Variants in TMPRSS11D observed in about 807,000 individuals in gnomAD.
TMPRSS11D encodes transmembrane protease serine 11D.
TMPRSS11D carries 32 observed loss-of-function variants against 44.4 expected under a neutral mutation model. The observed-to-expected ratio is 0.72, with a 90% CI of 0.54 to 0.97. TMPRSS11D has a LOEUF of 0.97. Ranked by LOEUF, TMPRSS11D falls within the 50% of genes least tolerant of loss-of-function variation. TMPRSS11D has a pLI of 0.00. For missense variants in TMPRSS11D, 446 were observed against 502.6 expected (o/e 0.89, Z 1.08); for synonymous variants, 179 against 177.9 (o/e 1.01, Z -0.05).
chr4:67,827,731 A>G (rs958694102), intron 7 of TMPRSS11D, among the ~76,000 whole-genome samples: 1 of 152,140 alleles, frequency 6.6e-6, no homozygotes, highest in Non-Finnish European at 1.5e-5. Context: ...AGAAGATTTT[A>G]GAAAACATAT....
At chr4:67,850,983 C>T (rs995269731) in intron 3 of TMPRSS11D, among the ~76,000 whole-genome samples, 3 of 152,264 alleles carry the variant, frequency 2.0e-5, no homozygotes, top group Non-Finnish European at 2.9e-5. Flanking sequence ...TGTGAGCCTT[C>T]GAGTGACTTG....
chr4:67,839,872 G>T (rs1718188236), intron 4 of TMPRSS11D, among the ~76,000 whole-genome samples: 1 of 150,734 alleles, frequency 6.6e-6, no homozygotes, highest in Admixed American at 6.6e-5. Flanking sequence ...GGGTATATGT[G>T]CACAACGTGC....
intron 1 of TMPRSS11D, among the ~76,000 whole-genome samples, chr4:67,877,894 G>C (rs1239814166): frequency 6.6e-6 from 1 of 152,114 alleles, no homozygotes; most frequent in East Asian, 1.9e-4. Context: ...TTTCTCCACA[G>C]AGATTGTTCT....
chr4:67,822,539 C>T (rs1577799012), intron 9 of TMPRSS11D, 41 bp from the exon 10 acceptor site: 3 of 1,609,734 alleles, frequency 1.9e-6, no homozygotes, highest in Non-Finnish European at 1.7e-6. Flanking sequence ...AGTGCAAAGA[C>T]AAACCCAAAA....
chr4:67,827,533 G>A lies in TMPRSS11D; in HGVS notation c.693-13C>T. The A allele has an allele frequency of 1.3e-6, 2 of 1,574,606 alleles. No individual in the cohort carries two copies. Among genetic ancestry groups the A allele is most frequent in the Non-Finnish European group, 1.7e-6 (2 of 1,160,900 alleles). ...AGGATTAGAGTTGCTAAAACATTAT[G>A]AAAACATGCTATATGAGTAGGGAAT... On this transcript the variant is annotated splice_polypyrimidine_tract_variant and intron_variant, in intron 7 of 9. Coordinates refer to ENST00000283916, the MANE Select transcript of TMPRSS11D (RefSeq NM_004262.3).
At chr4:67,827,852 C>T (rs1356567277) in intron 7 of TMPRSS11D, among the ~76,000 whole-genome samples, 1 of 152,018 alleles carries the variant, frequency 6.6e-6, no homozygotes, top group Non-Finnish European at 1.5e-5. Context: ...ACCTCCCTTC[C>T]CATTTAAGCA....
chr4:67,852,047 C>T (rs901295757), intron 3 of TMPRSS11D, among the ~76,000 whole-genome samples: 1 of 152,194 alleles, frequency 6.6e-6, no homozygotes, highest in Admixed American at 6.5e-5. Context: ...CTGGCTCTGA[C>T]TCCCTTCAGT....
At chr4:67,842,279 A>C (rs1368622064) in intron 4 of TMPRSS11D, among the ~76,000 whole-genome samples, 1 of 152,180 alleles carries the variant, frequency 6.6e-6, no homozygotes, top group Non-Finnish European at 1.5e-5. Context: ...GGAGTTTTAC[A>C]ATAGGATGGC....
chr4:67,864,424 G>A (rs541038492), intron 1 of TMPRSS11D, among the ~76,000 whole-genome samples: 10 of 151,942 alleles, frequency 6.6e-5, no homozygotes, highest in Middle Eastern at 3.4e-3. Flanking sequence ...ATGAAAGATC[G>A]ATACTCACCT....
chr4:67,832,979 G>C (rs1305855817), intron 7 of TMPRSS11D, among the ~76,000 whole-genome samples: 1 of 151,970 alleles, frequency 6.6e-6, no homozygotes, highest in African/African-American at 2.4e-5. Flanking sequence ...ATAAATCTTT[G>C]TTCTTTACTG....
Position 67,854,193 on chromosome 4 carries a change from A to G in TMPRSS11D, c.131-7T>C. 7.3e-7 allele frequency: 1 copy of G among 1,363,282 alleles called. No individual in the cohort carries two copies. The highest frequency in any genetic ancestry group is 1.0e-6 in the Non-Finnish European group (1 of 969,214). The allele number at this position is 1,363,282 out of a possible 1,614,324, so 84.4% of individuals were successfully genotyped here. ...TAAAAGTAAGATTTTTGATCTGAAA[A>G]AGAAATAAAAGGGAAGGTCAGTCTT... On this transcript the variant is annotated splice_region_variant and splice_polypyrimidine_tract_variant and intron_variant, in intron 2 of 9. Coordinates refer to ENST00000283916, the MANE Select transcript of TMPRSS11D (RefSeq NM_004262.3).
intron 1 of TMPRSS11D, among the ~76,000 whole-genome samples, chr4:67,881,055 G>C (rs961539789): frequency 6.6e-6 from 1 of 152,152 alleles, no homozygotes; most frequent in Non-Finnish European, 1.5e-5. Flanking sequence ...ACTAAAGCTA[G>C]AGAAGGAATA....
At position 67,827,319 on chromosome 4, in the gene TMPRSS11D, C is replaced by G; in HGVS notation, c.894G>C (p.Gln298His). Residue 298 changes from glutamine to histidine, a missense_variant, in exon 8 of 10, where the codon CAG (glutamine) becomes CAC (histidine). By Grantham distance (24) the Gln-to-His change is conservative (BLOSUM62 0). Coordinates refer to ENST00000283916, the MANE Select transcript of TMPRSS11D (RefSeq NM_004262.3). The stretch of plus-strand genomic sequence containing the variant: ...AAGCAGTAGAGCCAGGTGGAATATT[C>G]TGGGTAGCAGCTGGGAGACACACAC... ...IHSVCLPAAT[Q>H]NIPPGSTAYV... 6.2e-7 allele frequency: 1 copy of G among 1,613,258 alleles called. No individual in the cohort carries two copies. The highest frequency in any genetic ancestry group is 8.5e-7 in the Non-Finnish European group (1 of 1,179,548).
At chr4:67,828,283 C>G (rs1473306132) in intron 7 of TMPRSS11D, among the ~76,000 whole-genome samples, 5 of 151,928 alleles carry the variant, frequency 3.3e-5, no homozygotes, top group Non-Finnish European at 2.9e-5. Flanking sequence ...AGCAAAAAAA[C>G]GTCAAATTTA....
chr4:67,839,987 C>T lies in TMPRSS11D; in HGVS notation c.318-1658G>A, dbSNP rs567685977. Among the ~76,000 whole-genome samples, 35 of 140,220 alleles carry T rather than the reference C, an allele frequency of 2.5e-4. 1 individual carries two copies. The South Asian group carries it at 3.5e-3, about 14-fold the overall frequency. The allele number at this position is 140,220 out of a possible 152,430, so 92.0% of individuals were successfully genotyped here. Reference sequence around the variant, plus strand: ...CTAATGCTATCCCTCCCCCCTCCCCCGACAACAAATTAACAACAACAAAGT... The same window carrying T: ...CTAATGCTATCCCTCCCCCCTCCCCTGACAACAAATTAACAACAACAAAGT... On this transcript the variant is annotated intron_variant, in intron 4 of 9. Transcript: ENST00000283916.
chr4:67,875,088 AAAGAATC>A (rs1484093298), intron 1 of TMPRSS11D, among the ~76,000 whole-genome samples: 11 of 152,336 alleles, frequency 7.2e-5, no homozygotes, highest in African/African-American at 2.4e-4. Context: ...GAAACACAGG[AAAGAATC>A]AAGCTTCTCA....
chr4:67,857,312 TATATATATATACACACAC>T (rs1393598372), intron 2 of TMPRSS11D, among the ~76,000 whole-genome samples: 39 of 1,206 alleles, frequency 0.032, no homozygotes, highest in African/African-American at 0.055. Context: ...TATATATATA[TATATATATATACACACAC>T]ACACACACAC....
chr4:67,873,838 TTC>T (rs1719115726), intron 1 of TMPRSS11D, among the ~76,000 whole-genome samples: 1 of 152,110 alleles, frequency 6.6e-6, no homozygotes, highest in South Asian at 2.1e-4. Context: ...TAATAGATCC[TTC>T]TCTGTTTCCT....
intron 5 of TMPRSS11D, among the ~76,000 whole-genome samples, chr4:67,836,836 G>T (rs141112263): frequency 2.0e-5 from 3 of 152,106 alleles, no homozygotes; most frequent in Non-Finnish European, 4.4e-5. Flanking sequence ...AAAGCATCGC[G>T]TTCAGTACAG....
Sources: gnomAD v4.1 joint callset for allele counts (sites outside exome capture counted in the v4.1 genomes callset) on GRCh38, gnomAD v4.1.1 for gene constraint, MANE v1.5 for transcripts, NCBI Gene and HGNC (gene_info 2026-07-23, HGNC 2026-07-21) for gene names.